Variants in KMT2E observed in about 807,000 individuals in gnomAD.
The protein encoded by KMT2E is histone reader KMT2E.
In KMT2E, 30 loss-of-function variants were observed where a neutral mutation model predicts 184.6. The ratio of observed to expected loss-of-function variants is 0.16; its 90% confidence interval spans 0.12 to 0.22. KMT2E has a LOEUF of 0.22. KMT2E is among the 10% of genes least tolerant of loss of function. The pLI is 1.00. For synonymous variants in KMT2E, 815 were observed against 776.5 expected (o/e 1.05, Z -0.82); for missense variants, 2,023 against 2,237.4 (o/e 0.90, Z 1.93).
intron 6 of KMT2E, among the ~76,000 whole-genome samples, chr7:105,067,955 G>A (rs1323905034): frequency 6.6e-6 from 1 of 152,154 alleles, no homozygotes; most frequent in Non-Finnish European, 1.5e-5. Flanking sequence ...TTAGATGACA[G>A]AGTGAGAGCC....
At chr7:105,046,345 A>G (rs1350741012) in intron 3 of KMT2E, among the ~76,000 whole-genome samples, 2 of 151,738 alleles carry the variant, frequency 1.3e-5, no homozygotes, top group East Asian at 3.9e-4. Flanking sequence ...CTAAATTCAG[A>G]CTCCTTTTAA....
At chr7:105,043,120 G>A (rs1328549789) in intron 3 of KMT2E, among the ~76,000 whole-genome samples, 6 of 152,112 alleles carry the variant, frequency 3.9e-5, no homozygotes, top group Admixed American at 3.9e-4. Context: ...TGAGGAATTA[G>A]AGCTTATTTA....
intron 17 of KMT2E, chr7:105,104,269 TTATG>T (rs1274013444): frequency 6.6e-6 from 1 of 152,184 alleles, no homozygotes; most frequent in Non-Finnish European, 1.5e-5. Context: ...AGAGACTGTA[TTATG>T]TATGTTGTAG....
intron 23 of KMT2E, among the ~76,000 whole-genome samples, chr7:105,109,856 T>C (rs894000185): frequency 6.6e-6 from 1 of 151,386 alleles, no homozygotes; most frequent in Non-Finnish European, 1.5e-5. Flanking sequence ...TTTTTTTTTT[T>C]TTTTTGAGCT....
chr7:105,065,722 T>G (rs972178565), intron 5 of KMT2E, among the ~76,000 whole-genome samples: 14 of 152,104 alleles, frequency 9.2e-5, no homozygotes, highest in Non-Finnish European at 2.1e-4. Flanking sequence ...TTCCTGAAAA[T>G]ATCTTAATAT....
chr7:105,112,625 T>TGCC lies in KMT2E; in HGVS notation c.4871_4873dup (p.Ala1624dup), dbSNP rs760681597. The TGCC allele has an allele frequency of 1.1e-5, 18 of 1,613,824 alleles. No individual in the cohort carries two copies. The African/African-American group carries it at 2.3e-4, about 20-fold the overall frequency. On this transcript the variant is annotated inframe_insertion, in exon 27 of 27. Transcript: ENST00000311117. ...CTACCATTCACCATCAAACTGCTGC[T>TGCC]GCCGTAGTCCCCCCTCCTCCTCCAC...
chr7:105,078,799 T>C (rs1170290457), intron 11 of KMT2E, 47 bp from the exon 12 acceptor site: 2 of 1,047,692 alleles, frequency 1.9e-6, no homozygotes, highest in Non-Finnish European at 2.9e-6. Context: ...TGAACCAGCA[T>C]GCCCGGCCTA....
intron 12 of KMT2E, among the ~76,000 whole-genome samples, chr7:105,079,654 A>C (rs1797678009): frequency 6.8e-6 from 1 of 147,782 alleles, no homozygotes; most frequent in Admixed American, 7.0e-5. Context: ...CTTTCTGAGT[A>C]GGTGGGACTG....
chr7:105,096,186 G>A (rs1798402765), intron 15 of KMT2E, among the ~76,000 whole-genome samples: 1 of 146,618 alleles, frequency 6.8e-6, no homozygotes, highest in South Asian at 2.2e-4. Flanking sequence ...ACCCAGAAGA[G>A]GAGGCTGCAG....
intron 3 of KMT2E, among the ~76,000 whole-genome samples, chr7:105,042,172 G>T (rs1795909462): frequency 6.6e-6 from 1 of 152,000 alleles, no homozygotes; most frequent in African/African-American, 2.4e-5. Flanking sequence ...TGTATTTTTA[G>T]TAGAGACAGG....
intron 3 of KMT2E, among the ~76,000 whole-genome samples, chr7:105,059,512 T>C (rs2129566912): frequency 6.6e-6 from 1 of 152,334 alleles, no homozygotes; most frequent in South Asian, 2.1e-4. Context: ...ATAGAAATAC[T>C]ACCATTTATG....
At chr7:105,072,086 G>T (rs1413268284) in intron 6 of KMT2E, among the ~76,000 whole-genome samples, 4 of 151,780 alleles carry the variant, frequency 2.6e-5, no homozygotes, top group Non-Finnish European at 5.9e-5. Flanking sequence ...GGCCCAGGCG[G>T]GTGGATCATG....
chr7:105,114,539 A>T lies in KMT2E; in HGVS notation c.*1206A>T, dbSNP rs75865509. Among the ~76,000 whole-genome samples, 1 of 152,078 alleles carries T rather than the reference A, an allele frequency of 6.6e-6. No individual in the cohort carries two copies. The highest frequency in any genetic ancestry group is 1.5e-5 in the Non-Finnish European group (1 of 67,996). ...AAATGCTAGTTAGTTATTAATTATT[A>T]ATCTTCAAAAAATTAAAAATTTCCC... On this transcript the variant is annotated 3_prime_UTR_variant, in exon 27 of 27. Transcript: ENST00000311117.
chr7:105,015,350 C>T (rs1405273899), intron 1 of KMT2E, among the ~76,000 whole-genome samples: 1 of 152,216 alleles, frequency 6.6e-6, no homozygotes, highest in Non-Finnish European at 1.5e-5. Flanking sequence ...AGAGTGCTCT[C>T]TTCTACTGGC....
chr7:105,103,752 CTGTGTGTGTGTG>C (rs563081813), intron 17 of KMT2E: 1 of 139,566 alleles, frequency 7.2e-6, no homozygotes, highest in East Asian at 2.5e-4. Flanking sequence ...GTGTGTGTTT[CTGTGTGTGTGTG>C]TGTGTGTATA....
intron 1 of KMT2E, among the ~76,000 whole-genome samples, chr7:105,032,034 C>T (rs1235740817): frequency 1.4e-5 from 2 of 141,292 alleles, no homozygotes; most frequent in East Asian, 2.1e-4. Context: ...CTACTGCACT[C>T]CACACTCCAG....
intron 1 of KMT2E, among the ~76,000 whole-genome samples, chr7:105,023,091 T>C (rs1428489734): frequency 6.6e-6 from 1 of 152,158 alleles, no homozygotes; most frequent in Non-Finnish European, 1.5e-5. Flanking sequence ...TCTTTAAAAC[T>C]ATTGCTAAAT....
At chr7:105,014,929 C>T (rs1480933810) in intron 1 of KMT2E, among the ~76,000 whole-genome samples, 1 of 152,110 alleles carries the variant, frequency 6.6e-6, no homozygotes. Context: ...TTTTCTCAAC[C>T]GCGTCTTGTT....
At chr7:105,021,892 C>G (rs985598450) in intron 1 of KMT2E, among the ~76,000 whole-genome samples, 2 of 152,098 alleles carry the variant, frequency 1.3e-5, no homozygotes, top group Non-Finnish European at 2.9e-5. Flanking sequence ...TTGGTTTTAA[C>G]TTAAAAATAA....
Sources: allele counts gnomAD v4.1 joint callset (sites outside exome capture counted in the v4.1 genomes callset), GRCh38; gene constraint gnomAD v4.1.1; transcripts MANE v1.5; gene names NCBI Gene and HGNC (gene_info 2026-07-23, HGNC 2026-07-21).